The following AKR1B15 variants were observed in gnomAD, a reference collection of about 807,000 sequenced individuals.
AKR1B15 encodes the protein aldo-keto reductase family 1 member B15.
Under a neutral mutation model 38.5 loss-of-function variants are expected in AKR1B15, and 49 were observed. The ratio of observed to expected loss-of-function variants is 1.27; its 90% CI spans 1.01 to 1.62. The LOEUF (loss-of-function observed/expected upper bound fraction) is 1.62, where lower values mean the gene tolerates loss of function less well. Among genes scored for constraint, AKR1B15 ranks in the 40% most tolerant of loss-of-function variants. AKR1B15 has a pLI of 0.00. For synonymous variants in AKR1B15, 137 were observed against 135.5 expected, an observed-to-expected ratio of 1.01 and a Z score of -0.08; for missense variants, 411 against 381.6, an observed-to-expected ratio of 1.08 and a Z score of -0.64.
In AKR1B15 at chr7:134,551,735, G is replaced by A. The variant is rs561209986; in HGVS notation, c.-147+2486G>A. The stretch of plus-strand genomic sequence containing the variant: ...CACAGAGCACTGACCAGGGGACCCC[G>A]AGTCCCCACCAGGAAGGCCAGAAAC... On this transcript the variant is annotated intron_variant, in intron 1 of 11. Transcript: ENST00000457545. 5.6e-4 allele frequency among the ~76,000 whole-genome samples: 86 copies of A among 152,232 alleles called. 2 individuals are homozygous for A. Among genetic ancestry groups the A allele is most frequent in the African/African-American group, 1.5e-3 (61 of 41,568 alleles).
intron 2 of AKR1B15, among the ~76,000 whole-genome samples, chr7:134,561,873 T>G (rs946165110): frequency 1.3e-5 from 2 of 152,212 alleles, no homozygotes; most frequent in African/African-American, 4.8e-5. Flanking sequence ...AACCTGCAAT[T>G]GTAACTTTTA....
intron 3 of AKR1B15, among the ~76,000 whole-genome samples, chr7:134,566,225 G>A (rs569449631): frequency 2.0e-5 from 3 of 152,276 alleles, no homozygotes; most frequent in East Asian, 1.9e-4. Flanking sequence ...AGCCTGAGAG[G>A]TCAAGGCTGC....
Position 134,564,601 on chromosome 7 carries a change from C to G in AKR1B15, c.-19C>G. Reference sequence around the variant, plus strand: ...TTGTCAAATTTGTTTCCTCTAGGATCGAGGCCATCAAGCTACAGATGGTCT... The same window carrying G: ...TTGTCAAATTTGTTTCCTCTAGGATGGAGGCCATCAAGCTACAGATGGTCT... On this transcript the variant is annotated 5_prime_UTR_variant, in exon 3 of 12. The change creates a new upstream start codon in the 5' untranslated region. Coordinates refer to ENST00000457545, the MANE Select transcript of AKR1B15 (RefSeq NM_001080538.3). The G allele has an allele frequency of 1.4e-6, 1 of 694,262 alleles. No homozygotes were observed. Among genetic ancestry groups the G allele is most frequent in the South Asian group, 1.5e-5 (1 of 65,864 alleles). 43.0% of individuals were successfully genotyped at this position (694,262 alleles called of 1,614,324 possible).
intron 11 of AKR1B15, among the ~76,000 whole-genome samples, chr7:134,579,077 C>A (rs1794824707): frequency 1.3e-5 from 2 of 152,146 alleles, no homozygotes; most frequent in Non-Finnish European, 2.9e-5. Context: ...TAATACTAAT[C>A]GCAGCTAACA....
Position 134,568,183 on chromosome 7 carries a change from C to T in AKR1B15, c.176C>T (p.Ala59Val), listed in dbSNP as rs201762103. 67 of 1,613,962 alleles carry T rather than the reference C, an allele frequency of 4.2e-5. 1 individual carries two copies. Among genetic ancestry groups the T allele is most frequent in the East Asian group, 2.2e-4 (10 of 44,838 alleles). ...PASLLGKVKE[A>V]VKVAIDAEYR... is the part of the protein sequence containing the mutation. ...TCTCTTCTCGGCAAAGTGAAAGAAGCGGTGAAGGTGGCCATTGATGCAGAA... is the reference window on the plus strand; with the variant it reads ...TCTCTTCTCGGCAAAGTGAAAGAAGTGGTGAAGGTGGCCATTGATGCAGAA... Residue 59 changes from alanine (A) to valine (V), a missense_variant, in exon 4 of 12, where the codon GCG (alanine) becomes GTG (valine). Transcript: ENST00000457545.
At position 134,565,234 on chromosome 7, in the gene AKR1B15, G is replaced by A. The variant is rs955598878; in HGVS notation, c.150+465G>A. On this transcript the variant is annotated intron_variant, in intron 3 of 11. Transcript: ENST00000457545. The stretch of plus-strand genomic sequence containing the variant: ...CTTTAAGAGCTACAACGATCACCAC[G>A]ACAGTCTGCGGCTTCATTCTTGAAG... 6.0e-5 allele frequency: 32 copies of A among 533,016 alleles called. No homozygotes were observed. In the Admixed American group the frequency reaches 6.7e-4, roughly 11 times the overall value. 33.0% of individuals were successfully genotyped at this position (533,016 alleles called of 1,614,324 possible). A position where few individuals can be genotyped will look rare whatever the true frequency, so the allele number is the denominator to read the frequency against.
chr7:134,561,988 T>G (rs1242573393), intron 2 of AKR1B15, among the ~76,000 whole-genome samples: 1 of 152,222 alleles, frequency 6.6e-6, no homozygotes, highest in East Asian at 1.9e-4. Context: ...TTGCTTTGCT[T>G]TCTCTCTTTC....
Position 134,576,956 on chromosome 7 carries a change from T to C in AKR1B15, c.826-7T>C, listed in dbSNP as rs374637192. The C allele has an allele frequency of 8.8e-5, 142 of 1,612,394 alleles. No homozygotes were observed. Among genetic ancestry groups the C allele is most frequent in the Admixed American group, 8.5e-4 (51 of 60,002 alleles). ...GAGTGGAAACATGATGTCCCCTTTCTGCACAGGTTCTGATCCGTTTCCATA... is the reference window on the plus strand; with the variant it reads ...GAGTGGAAACATGATGTCCCCTTTCCGCACAGGTTCTGATCCGTTTCCATA... On this transcript the variant is annotated splice_polypyrimidine_tract_variant and splice_region_variant and intron_variant, in intron 9 of 11. Transcript: ENST00000457545.
Position 134,568,203 on chromosome 7 carries a change from G to T in AKR1B15, c.196G>T (p.Ala66Ser), listed in dbSNP as rs1173858324. The change falls in exon 4 of 12, where the codon GCA (alanine) becomes TCA (serine). Residue 66 changes from alanine to serine, a missense_variant. Coordinates refer to ENST00000457545, the MANE Select transcript of AKR1B15 (RefSeq NM_001080538.3). Reference protein sequence around the residue: ...VKEAVKVAIDAEYRHIDCAYF... With the variant: ...VKEAVKVAIDSEYRHIDCAYF... ...AGAAGCGGTGAAGGTGGCCATTGAT[G>T]CAGAATATCGCCACATTGACTGTGC... The T allele has an allele frequency of 1.9e-6, 3 of 1,613,998 alleles. No homozygotes were observed. The highest frequency in any genetic ancestry group is 8.5e-7 in the Non-Finnish European group (1 of 1,180,002).
At chr7:134,553,964 G>A (rs1794092522) in intron 1 of AKR1B15, among the ~76,000 whole-genome samples, 1 of 152,220 alleles carries the variant, frequency 6.6e-6, no homozygotes. Context: ...AGAGGACTGA[G>A]TTGGTAACCC....
At chr7:134,559,463 A>G (rs568162571) in intron 2 of AKR1B15, among the ~76,000 whole-genome samples, 8 of 152,306 alleles carry the variant, frequency 5.3e-5, no homozygotes, top group African/African-American at 1.9e-4. Flanking sequence ...ATGACACTGT[A>G]ACCCCTTGTT....
chr7:134,551,180 C>A (rs1338068729), intron 1 of AKR1B15, among the ~76,000 whole-genome samples: 2 of 152,152 alleles, frequency 1.3e-5, no homozygotes, highest in Non-Finnish European at 2.9e-5. Flanking sequence ...CCTCCTCCCC[C>A]AGAATCTTCC....
chr7:134,558,956 C>T (rs574638871), intron 2 of AKR1B15, among the ~76,000 whole-genome samples: 2 of 152,164 alleles, frequency 1.3e-5, no homozygotes, highest in East Asian at 3.9e-4. Flanking sequence ...ACCTAGTGCT[C>T]CTATGTACTG....
At chr7:134,571,069 T>C (rs1238070683) in intron 5 of AKR1B15, among the ~76,000 whole-genome samples, 3 of 152,206 alleles carry the variant, frequency 2.0e-5, no homozygotes, top group Admixed American at 2.0e-4. Context: ...AAGCCAGTAG[T>C]GATCCCAGCA....
chr7:134,554,368 T>C (rs578223090), intron 1 of AKR1B15, among the ~76,000 whole-genome samples: 1 of 152,260 alleles, frequency 6.6e-6, no homozygotes, highest in East Asian at 1.9e-4. Flanking sequence ...CTTCGGATCT[T>C]CAAGCCAGTA....
chr7:134,579,534 C>A lies in AKR1B15; in HGVS notation c.1020C>A (p.Phe340Leu). 1 of 1,594,632 alleles carries A rather than the reference C, an allele frequency of 6.3e-7. No homozygotes were observed. ...TCTCTCATTTGGAGGACTTTCCCTT[C>A]GATGCAGAATATTGAGGTTGAATCT... ...KEFSHLEDFP[F>L]DAEY Residue 340 changes from phenylalanine (F) to leucine (L), a missense_variant, in exon 12 of 12, where the codon TTC (phenylalanine) becomes TTA (leucine). Transcript: ENST00000457545.
intron 10 of AKR1B15, 54 bp downstream of exon 10, chr7:134,577,100 A>G: frequency 6.6e-7 from 1 of 1,518,062 alleles, no homozygotes; most frequent in African/African-American, 1.4e-5. Context: ...GGGGACAGGC[A>G]GACCTTCTCA....
intron 5 of AKR1B15, 51 bp from the exon 6 acceptor site, chr7:134,571,553 A>C: frequency 7.0e-7 from 1 of 1,433,914 alleles, no homozygotes; most frequent in Non-Finnish European, 9.8e-7. Flanking sequence ...GTTGAACAGA[A>C]CCAAGTGTCC....
At chr7:134,570,138 T>C (rs1794637277) in intron 5 of AKR1B15, 1 of 152,494 alleles carries the variant, frequency 6.6e-6, no homozygotes, top group African/African-American at 2.4e-5. Context: ...TGGGGACGGC[T>C]GTCTTTTACA....
Sources: allele counts gnomAD v4.1 joint callset (sites outside exome capture counted in the v4.1 genomes callset), GRCh38; gene constraint gnomAD v4.1.1; transcripts MANE v1.5; gene names NCBI Gene and HGNC (gene_info 2026-07-23, HGNC 2026-07-21).